DLGAP1: variants seen among roughly 807,000 people sequenced by gnomAD.
DLGAP1 encodes DLG associated protein 1, also known as disks large-associated protein 1.
In DLGAP1, 11 loss-of-function variants were observed where a neutral mutation model predicts 90.8. The observed-to-expected ratio is 0.12, with a 90% CI of 0.08 to 0.20. DLGAP1 has a LOEUF of 0.20. Among genes scored for constraint, DLGAP1 ranks in the 10% least tolerant of loss-of-function variants. The pLI is 1.00. For synonymous variants in DLGAP1, 558 were observed against 540.7 expected (o/e 1.03, Z -0.44); for missense variants, 1,050 against 1,333.8 (o/e 0.79, Z 3.31).
intron 5 of DLGAP1, among the ~76,000 whole-genome samples, chr18:3,807,108 C>G (rs2066602773): frequency 6.6e-6 from 1 of 152,212 alleles, no homozygotes; most frequent in African/African-American, 2.4e-5. Flanking sequence ...AAGATGTTCT[C>G]AAGATCCTTC....
At chr18:4,415,882 C>T (rs192120043) in intron 1 of DLGAP1, among the ~76,000 whole-genome samples, 1 of 152,250 alleles carries the variant, frequency 6.6e-6, no homozygotes, top group East Asian at 1.9e-4. Flanking sequence ...ATGATATTTG[C>T]ATTATTAATT....
In DLGAP1 at chr18:3,497,491, A is replaced by C. The variant is rs1265950207; in HGVS notation, c.*1694T>G. ...CTAGTGGTTTTAGAATATGTCCGTG[A>C]AAATATCTGTTGCTAGAACCCATCA... On this transcript the variant is annotated 3_prime_UTR_variant, in exon 13 of 13. Transcript: ENST00000315677. The C allele has an allele frequency of 1.3e-5, 2 of 152,188 alleles. No homozygotes were observed. Among genetic ancestry groups the C allele is most frequent in the African/African-American group, 4.8e-5 (2 of 41,444 alleles). 9.4% of individuals were successfully genotyped at this position (152,188 alleles called of 1,614,324 possible).
chr18:3,909,744 T>C (rs1262112249), intron 3 of DLGAP1, among the ~76,000 whole-genome samples: 1 of 152,194 alleles, frequency 6.6e-6, no homozygotes, highest in Non-Finnish European at 1.5e-5. Flanking sequence ...ACACCACTGG[T>C]TGGTTGTTGT....
intron 10 of DLGAP1, among the ~76,000 whole-genome samples, chr18:3,512,175 G>A (rs2050583068): frequency 6.6e-6 from 1 of 151,886 alleles, no homozygotes; most frequent in South Asian, 2.1e-4. Flanking sequence ...TCTCTGCTGT[G>A]TCAGCCAGGC....
chr18:4,272,667 A>T (rs2079310432), intron 1 of DLGAP1, among the ~76,000 whole-genome samples: 1 of 152,196 alleles, frequency 6.6e-6, no homozygotes. Context: ...GATTCAACAT[A>T]TATAAAAGGA....
chr18:3,530,597 T>C (rs1019863326), intron 10 of DLGAP1, among the ~76,000 whole-genome samples: 34 of 152,170 alleles, frequency 2.2e-4, no homozygotes, highest in African/African-American at 8.2e-4. Context: ...TCTGATAAAC[T>C]GTGAGTATGT....
chr18:4,343,178 G>A (rs887931098), intron 1 of DLGAP1, among the ~76,000 whole-genome samples: 2 of 151,904 alleles, frequency 1.3e-5, no homozygotes, highest in African/African-American at 4.8e-5. Flanking sequence ...GTGGTGGCAG[G>A]CGCCTGTAGT....
At chr18:4,186,195 A>G (rs1411722477) in intron 1 of DLGAP1, among the ~76,000 whole-genome samples, 1 of 152,076 alleles carries the variant, frequency 6.6e-6, no homozygotes, top group Non-Finnish European at 1.5e-5. Flanking sequence ...TCGGATGCAT[A>G]GTTTCCAAAT....
At chr18:3,577,042 G>A (rs1390428269) in intron 8 of DLGAP1, among the ~76,000 whole-genome samples, 2 of 151,600 alleles carry the variant, frequency 1.3e-5, no homozygotes, top group East Asian at 1.9e-4. Context: ...TTTTTATTTA[G>A]TAGAGATGGG....
At chr18:3,630,799 A>G (rs1251121220) in intron 7 of DLGAP1, among the ~76,000 whole-genome samples, 2 of 152,102 alleles carry the variant, frequency 1.3e-5, no homozygotes, top group African/African-American at 2.4e-5. Flanking sequence ...AATAGGGCAA[A>G]TCCTCTAATT....
intron 2 of DLGAP1, among the ~76,000 whole-genome samples, chr18:4,128,313 T>C (rs1157868612): frequency 6.6e-6 from 1 of 152,154 alleles, no homozygotes; most frequent in East Asian, 1.9e-4. Context: ...TGATTTAAAG[T>C]ATACCGGGGG....
intron 10 of DLGAP1, among the ~76,000 whole-genome samples, chr18:3,510,384 C>T (rs140589881): frequency 1.3e-5 from 2 of 152,336 alleles, no homozygotes; most frequent in Non-Finnish European, 1.5e-5. Flanking sequence ...ACCTCTACCT[C>T]TTCTATGGGT....
chr18:3,677,486 C>T (rs2060349783), intron 7 of DLGAP1, among the ~76,000 whole-genome samples: 1 of 152,216 alleles, frequency 6.6e-6, no homozygotes, highest in African/African-American at 2.4e-5. Context: ...ACTGTATATT[C>T]CTGCAGCAGT....
At chr18:4,219,165 C>T (rs1298988537) in intron 1 of DLGAP1, among the ~76,000 whole-genome samples, 1 of 150,898 alleles carries the variant, frequency 6.6e-6, no homozygotes, top group African/African-American at 2.4e-5. Context: ...TTGTTAATAG[C>T]CATTCTTACA....
At chr18:3,717,555 T>C (rs2061807126) in intron 7 of DLGAP1, among the ~76,000 whole-genome samples, 2 of 152,216 alleles carry the variant, frequency 1.3e-5, no homozygotes, top group African/African-American at 2.4e-5. Flanking sequence ...TGAAACTTTG[T>C]TCCTCAAAGT....
intron 1 of DLGAP1, among the ~76,000 whole-genome samples, chr18:4,325,935 T>C (rs2080807325): frequency 6.6e-6 from 1 of 152,124 alleles, no homozygotes; most frequent in South Asian, 2.1e-4. Context: ...GAAACACCAT[T>C]CTAAACATAG....
chr18:4,133,677 T>A (rs2076353711), intron 2 of DLGAP1, among the ~76,000 whole-genome samples: 1 of 152,086 alleles, frequency 6.6e-6, no homozygotes, highest in South Asian at 2.1e-4. Flanking sequence ...GTAAAATGGG[T>A]TATAGGAATT....
At chr18:4,236,669 C>T (rs2078423074) in intron 1 of DLGAP1, among the ~76,000 whole-genome samples, 1 of 151,658 alleles carries the variant, frequency 6.6e-6, no homozygotes, top group South Asian at 2.1e-4. Flanking sequence ...TGTTTATTCC[C>T]CATGTTGAGC....
intron 3 of DLGAP1, among the ~76,000 whole-genome samples, chr18:3,968,813 AT>A (rs2073384770): frequency 2.0e-5 from 3 of 152,164 alleles, no homozygotes; most frequent in African/African-American, 4.8e-5. Context: ...AGGGAGGTTT[AT>A]TTTTTTCTTC....
Sources: gnomAD v4.1 joint callset for allele counts (sites outside exome capture counted in the v4.1 genomes callset) on GRCh38, gnomAD v4.1.1 for gene constraint, MANE v1.5 for transcripts, NCBI Gene and HGNC (gene_info 2026-07-23, HGNC 2026-07-21) for gene names.